Variants in LYPD2 observed in about 807,000 individuals in gnomAD.
LYPD2 encodes ly6/PLAUR domain-containing protein 2.
A neutral mutation model predicts 7.1 loss-of-function variants in LYPD2; 5 were observed. That is an observed-to-expected ratio of 0.70 (90% CI 0.37 to 1.48). The LOEUF is 1.48. Ranked by LOEUF, LYPD2 falls within the 40% of genes most tolerant of loss-of-function variation. The probability of loss-of-function intolerance (pLI) is 0.03; values close to 1 mark genes in which losing one functional copy is unlikely to be tolerated. For missense variants in LYPD2, 177 were observed against 171.0 expected (o/e 1.04, Z -0.20); for synonymous variants, 78 against 82.0 (o/e 0.95, Z 0.26).
At chr8:142,750,726 G>A (rs1383863945) in intron 2 of LYPD2, among the ~76,000 whole-genome samples, 1 of 152,272 alleles carries the variant, frequency 6.6e-6, no homozygotes. Flanking sequence ...ACCAAAGCCT[G>A]TAAGTGTGCC....
chr8:142,752,315 C>A, intron 1 of LYPD2, 79 bp downstream of exon 1: 3 of 1,544,978 alleles, frequency 1.9e-6, no homozygotes, highest in Non-Finnish European at 2.7e-6. Flanking sequence ...CTTCCTGGGG[C>A]GCCCTCCCGG....
chr8:142,751,229 G>C lies in LYPD2; in HGVS notation c.59-59C>G, dbSNP rs779237794. The C allele has an allele frequency of 2.5e-6, 4 of 1,600,588 alleles. No individual in the cohort carries two copies. In the African/African-American group the frequency reaches 5.3e-5, roughly 21 times the overall value. On this transcript the variant is annotated intron_variant, in intron 1 of 2. Transcript: ENST00000359228. ...TCCACCCCTCCCAAGCCCAGAGACA[G>C]TCTGTCCTGGAAGCCCAGGTCTGAA...
At chr8:142,751,833 G>T (rs1444356062) in intron 1 of LYPD2, among the ~76,000 whole-genome samples, 1 of 152,204 alleles carries the variant, frequency 6.6e-6, no homozygotes, top group African/African-American at 2.4e-5. Flanking sequence ...CCCACTGTGG[G>T]GATGCAGCGG....
At chr8:142,752,264 C>G in intron 1 of LYPD2, 130 bp downstream of exon 1, 1 of 1,006,794 alleles carries the variant, frequency 9.9e-7, no homozygotes. Context: ...GGGGCCACAC[C>G]CCCGGCCCCA....
chr8:142,750,220 GGGGGCACTTCTTCAAGGCATTC>G lies in LYPD2; in HGVS notation c.*41_*62del. 1.4e-6 allele frequency: 2 copies of G among 1,417,176 alleles called. No individual in the cohort carries two copies. Among genetic ancestry groups the G allele is most frequent in the Non-Finnish European group, 1.9e-6 (2 of 1,035,142 alleles). The allele number at this position is 1,417,176 out of a possible 1,614,324, so 87.8% of individuals were successfully genotyped here. On this transcript the variant is annotated 3_prime_UTR_variant, in exon 3 of 3. Transcript: ENST00000359228. ...AAGGAGACTCAGGAGTCCTGGTGCA[GGGGGCACTTCTTCAAGGCATTC>G]GGGGCTGGGCCGCATAGGGCCATGG...
At chr8:142,751,684 G>C (rs781727397) in intron 1 of LYPD2, among the ~76,000 whole-genome samples, 1 of 152,132 alleles carries the variant, frequency 6.6e-6, no homozygotes, top group Non-Finnish European at 1.5e-5. Context: ...CTTGCAGACC[G>C]GCAGGGACGG....
At chr8:142,750,761 G>A (rs1015602687) in intron 2 of LYPD2, among the ~76,000 whole-genome samples, 25 of 152,362 alleles carry the variant, frequency 1.6e-4, no homozygotes, top group African/African-American at 5.5e-4. Context: ...CCCCCAAAAC[G>A]AGGTTGCAGA....
Position 142,752,415 on chromosome 8 carries a change from G to T in LYPD2, c.37C>A (p.Leu13Met). The T allele has an allele frequency of 6.2e-7, 1 of 1,613,456 alleles. No individual in the cohort carries two copies. The highest frequency in any genetic ancestry group is 8.5e-7 in the Non-Finnish European group (1 of 1,179,778). The change falls in exon 1 of 3, where the codon CTG becomes ATG. Residue 13 changes from leucine (L) to methionine (M), a missense_variant. By Grantham distance (15) the Leu-to-Met change is conservative. Coordinates refer to ENST00000359228, the MANE Select transcript of LYPD2 (RefSeq NM_205545.3). ...TCACCCAGCTCTCCGCAGGCAGCCA[G>T]CACCAGCGCCAGGAGCGCCAGCCGC... ...GTRLALLALV[L>M]AACGELAPAL...
At chr8:142,751,732 C>T (rs1814718699) in intron 1 of LYPD2, among the ~76,000 whole-genome samples, 1 of 152,108 alleles carries the variant, frequency 6.6e-6, no homozygotes, top group East Asian at 1.9e-4. Flanking sequence ...GCTCCGGTGA[C>T]CCCGGCCCCA....
Position 142,751,185 on chromosome 8 carries a change from C to A in LYPD2, c.59-15G>T. Reference sequence around the variant, plus strand: ...CAGGGCCGGCGCTGGGGAGAAGGGACAAGGGCGGTCAGGCAGGCTCCACCC... The same window carrying A: ...CAGGGCCGGCGCTGGGGAGAAGGGAAAAGGGCGGTCAGGCAGGCTCCACCC... On this transcript the variant is annotated splice_polypyrimidine_tract_variant and intron_variant, in intron 1 of 2. Transcript: ENST00000359228. 2 of 1,613,026 alleles carry A rather than the reference C, an allele frequency of 1.2e-6. No individual in the cohort carries two copies. The highest frequency in any genetic ancestry group is 1.7e-6 in the Non-Finnish European group (2 of 1,179,844).
At chr8:142,750,921 G>T (rs779296418) in intron 2 of LYPD2, 130 bp downstream of exon 2, 200 of 1,498,526 alleles carry the variant, frequency 1.3e-4, no homozygotes, top group Non-Finnish European at 1.7e-4. Flanking sequence ...GCTGGAGGTG[G>T]CTCTGACCGG....
chr8:142,751,017 A>T, intron 2 of LYPD2, 34 bp downstream of exon 2: 1 of 1,613,460 alleles, frequency 6.2e-7, no homozygotes, highest in Non-Finnish European at 8.5e-7. Context: ...TCTGACCGGG[A>T]ACCCGGCCCT....
intron 1 of LYPD2, among the ~76,000 whole-genome samples, chr8:142,751,389 G>T (rs1814713068): frequency 6.6e-6 from 1 of 152,228 alleles, no homozygotes; most frequent in African/African-American, 2.4e-5. Context: ...GGCTGCTGGG[G>T]GTGGGGATCC....
chr8:142,751,022 G>A lies in LYPD2; in HGVS notation c.178+29C>T, dbSNP rs587634870. 126 of 1,613,278 alleles carry A rather than the reference G, an allele frequency of 7.8e-5. 3 individuals carry two copies. In the South Asian group the frequency reaches 9.3e-4, roughly 12 times the overall value. Reference sequence around the variant, plus strand: ...TGGAGGTGGCTCTGACCGGGAACCCGGCCCTGCCCGCCTTCTGTGCCCACT... The same window carrying A: ...TGGAGGTGGCTCTGACCGGGAACCCAGCCCTGCCCGCCTTCTGTGCCCACT... On this transcript the variant is annotated intron_variant, in intron 2 of 2. Transcript: ENST00000359228.
At chr8:142,752,231 C>A (rs1419617375) in intron 1 of LYPD2, among the ~76,000 whole-genome samples, 163 bp downstream of exon 1, 5 of 152,130 alleles carry the variant, frequency 3.3e-5, no homozygotes, top group African/African-American at 1.2e-4. Context: ...TCTCCGTTTC[C>A]ACCCTCCCCT....
chr8:142,750,613 G>T, intron 2 of LYPD2, 131 bp from the exon 3 acceptor site: 1 of 862,204 alleles, frequency 1.2e-6, no homozygotes, highest in Non-Finnish European at 1.8e-6. Context: ...CTGGCCCAGT[G>T]CCCTCCTCTT....
chr8:142,751,282 G>C, intron 1 of LYPD2, 112 bp from the exon 2 acceptor site: 1 of 1,424,380 alleles, frequency 7.0e-7, no homozygotes, highest in Non-Finnish European at 9.4e-7. Context: ...CCAGGGTAGA[G>C]ATGCCTACCA....
chr8:142,752,302 C>A, intron 1 of LYPD2, 92 bp downstream of exon 1: 1 of 1,459,596 alleles, frequency 6.9e-7, no homozygotes, highest in Non-Finnish European at 9.5e-7. Flanking sequence ...GCCTCTGAGG[C>A]CCCTTCCTGG....
chr8:142,751,415 G>C (rs1814713472), intron 1 of LYPD2, among the ~76,000 whole-genome samples: 1 of 152,222 alleles, frequency 6.6e-6, no homozygotes, highest in Non-Finnish European at 1.5e-5. Flanking sequence ...GCAAGGCCTG[G>C]GAGGAGCCAA....
Sources: allele counts gnomAD v4.1 joint callset (sites outside exome capture counted in the v4.1 genomes callset), GRCh38; gene constraint gnomAD v4.1.1; transcripts MANE v1.5; gene names NCBI Gene and HGNC (gene_info 2026-07-23, HGNC 2026-07-21).